SFMBT1: variants seen among roughly 807,000 people sequenced by gnomAD.
SFMBT1 encodes the protein Scm like with four mbt domains 1.
Under a neutral mutation model 108.7 loss-of-function variants are expected in SFMBT1, and 32 were observed. That is an observed-to-expected ratio of 0.29 (90% CI 0.22 to 0.40). The LOEUF (loss-of-function observed/expected upper bound fraction) is 0.40. Ranked by LOEUF, SFMBT1 falls within the 10% of genes least tolerant of loss-of-function variation. SFMBT1 has a pLI of 1.00. For synonymous variants in SFMBT1, 348 were observed against 369.5 expected (o/e 0.94, Z 0.67); for missense variants, 816 against 1,059.6 (o/e 0.77, Z 3.19).
intron 1 of SFMBT1, among the ~76,000 whole-genome samples, chr3:52,989,694 G>A (rs1394574912): frequency 6.6e-6 from 1 of 151,596 alleles, no homozygotes; most frequent in African/African-American, 2.4e-5. Flanking sequence ...AGCTACTTGG[G>A]AGGCTGGGAG....
chr3:53,035,277 G>A (rs1699833294), intron 1 of SFMBT1, among the ~76,000 whole-genome samples: 1 of 129,034 alleles, frequency 7.7e-6, no homozygotes, highest in Non-Finnish European at 1.6e-5. Context: ...CAAGGATTCC[G>A]CATGCCTTCC....
intron 12 of SFMBT1, 55 bp downstream of exon 12, chr3:52,920,482 G>T: frequency 7.7e-7 from 1 of 1,298,306 alleles, no homozygotes; most frequent in Non-Finnish European, 1.1e-6. Flanking sequence ...ATTGGCAGCA[G>T]CCACACAGAA....
chr3:53,033,506 C>T lies in SFMBT1; in HGVS notation c.-131+12310G>A, dbSNP rs367812238. On this transcript the variant is annotated intron_variant, in intron 1 of 20. Transcript: ENST00000394752. ...CTTTTTTTGCAGCCATTTTTACCCC[C>T]CTCAACTACAAGCTTTTATCAAAAT... Among the ~76,000 whole-genome samples, 12 of 152,102 alleles carry T rather than the reference C, an allele frequency of 7.9e-5. No homozygotes were observed. The South Asian group carries it at 1.7e-3, about 21-fold the overall frequency.
At chr3:52,913,786 A>G (rs1220965956) in intron 14 of SFMBT1, among the ~76,000 whole-genome samples, 169 bp from the exon 15 acceptor site, 3 of 152,188 alleles carry the variant, frequency 2.0e-5, no homozygotes, top group African/African-American at 7.2e-5. Context: ...CTCTTAAGTA[A>G]CTTACAGAGC....
In SFMBT1 at chr3:52,904,681, CT is replaced by C. The variant is rs1212755083; in HGVS notation, c.*454del. ...CAATGACAATGAAGCACTGATATGC[CT>C]TAGGAACAGTCCCAAATCAGTGCTG... On this transcript the variant is annotated 3_prime_UTR_variant, in exon 21 of 21. Coordinates refer to ENST00000394752, the MANE Select transcript of SFMBT1 (RefSeq NM_016329.4). The C allele has an allele frequency of 6.5e-6, 1 of 154,692 alleles. No homozygotes were observed. The highest frequency in any genetic ancestry group is 1.9e-4 in the East Asian group (1 of 5,240). 9.6% of individuals were successfully genotyped at this position (154,692 alleles called of 1,614,324 possible). A position where few individuals can be genotyped will look rare whatever the true frequency, so the allele number is the denominator to read the frequency against.
chr3:52,966,351 C>T (rs1259619114), intron 2 of SFMBT1, among the ~76,000 whole-genome samples: 2 of 147,286 alleles, frequency 1.4e-5, no homozygotes, highest in Admixed American at 6.9e-5. Context: ...CTAAAGCCGG[C>T]GCGGTGGCTC....
intron 12 of SFMBT1, 147 bp from the exon 13 acceptor site, chr3:52,918,673 A>C (rs1301329379): frequency 2.5e-6 from 1 of 397,806 alleles, no homozygotes; most frequent in African/African-American, 2.1e-5. Context: ...ATATATATAT[A>C]CACATATATA....
rs190804339 is a variant in SFMBT1 at position 52,999,814 on chromosome 3, C to T, written c.-130-30556G>A. Among the ~76,000 whole-genome samples, 3 of 150,308 alleles carry T rather than the reference C, an allele frequency of 2.0e-5. 1 individual carries two copies. The East Asian group carries it at 5.9e-4, about 29-fold the overall frequency. On this transcript the variant is annotated intron_variant, in intron 1 of 20. Transcript: ENST00000394752. ...TGATGGGCCCCCCAAGCTCTACAGA[C>T]CAAGCAAGGAGACCCCATGACCCAT...
intron 1 of SFMBT1, among the ~76,000 whole-genome samples, chr3:52,986,493 G>A (rs150684440): frequency 7.2e-5 from 11 of 151,904 alleles, no homozygotes; most frequent in Non-Finnish European, 1.0e-4. Context: ...TTGGTCGGGC[G>A]CCATGGCTCA....
intron 5 of SFMBT1, among the ~76,000 whole-genome samples, chr3:52,932,589 T>A (rs1175899101): frequency 6.6e-6 from 1 of 152,200 alleles, no homozygotes; most frequent in African/African-American, 2.4e-5. Flanking sequence ...TAAGAATTTT[T>A]AAAATATCAT....
chr3:52,972,068 G>C (rs1011360069), intron 1 of SFMBT1, among the ~76,000 whole-genome samples: 5 of 152,214 alleles, frequency 3.3e-5, no homozygotes, highest in African/African-American at 1.2e-4. Flanking sequence ...ATAAAGTCTT[G>C]ACACTTCAGC....
chr3:52,951,215 C>CTTT lies in SFMBT1; in HGVS notation c.123+3099_123+3101dup, dbSNP rs139907776. Among the ~76,000 whole-genome samples, 10 of 135,800 alleles carry CTTT rather than the reference C, an allele frequency of 7.4e-5. 1 individual carries two copies. Among genetic ancestry groups the CTTT allele is most frequent in the Middle Eastern group, 3.9e-3 (1 of 254 alleles). The allele number at this position is 135,800 out of a possible 152,430, so 89.1% of individuals were successfully genotyped here. A position where few individuals can be genotyped will look rare whatever the true frequency, so the allele number is the denominator to read the frequency against. ...AAACACACATTCCTTCTCTAACACT[C>CTTT]TTTTTTCCTTCCTCAGAAACCATGC... On this transcript the variant is annotated intron_variant, in intron 3 of 20. Coordinates refer to ENST00000394752, the MANE Select transcript of SFMBT1 (RefSeq NM_016329.4).
chr3:52,930,639 T>C (rs1239685063), intron 7 of SFMBT1, among the ~76,000 whole-genome samples: 1 of 152,192 alleles, frequency 6.6e-6, no homozygotes, highest in East Asian at 1.9e-4. Context: ...GCTTCTACTC[T>C]CTACATTCAA....
intron 1 of SFMBT1, among the ~76,000 whole-genome samples, chr3:52,974,833 T>TTAAA (rs1704462936): frequency 1.1e-5 from 1 of 90,712 alleles, no homozygotes; most frequent in African/African-American, 4.1e-5. Context: ...CTATAAAAAG[T>TTAAA]AAAAAAAAAA....
At chr3:52,993,269 A>C (rs1227841504) in intron 1 of SFMBT1, among the ~76,000 whole-genome samples, 1 of 150,054 alleles carries the variant, frequency 6.7e-6, no homozygotes, top group African/African-American at 2.4e-5. Context: ...GTTTAGTTAC[A>C]TGTTTTCTTG....
At chr3:52,970,430 T>C (rs1324449048) in intron 1 of SFMBT1, among the ~76,000 whole-genome samples, 1 of 152,226 alleles carries the variant, frequency 6.6e-6, no homozygotes, top group Non-Finnish European at 1.5e-5. Flanking sequence ...TTGAGGTTCA[T>C]CCACGTTGCA....
chr3:52,934,876 C>T lies in SFMBT1; in HGVS notation c.390G>A (p.Trp130Ter). 6.2e-7 allele frequency: 1 copy of T among 1,613,304 alleles called. No homozygotes were observed. The highest frequency in any genetic ancestry group is 8.5e-7 in the Non-Finnish European group (1 of 1,179,638). ...TCAGGGTCTGCCGCAGAAACTCATC[C>T]CAGTCAGATACTTTATCTCTGATGC... ...PEGIRDKVSD[W>*]DEFLRQTLIG... Residue 130 changes from tryptophan (W) to a stop codon, truncating the protein, a stop_gained, in exon 5 of 21, where the codon TGG becomes TGA. Transcript: ENST00000394752. LOFTEE classifies it high-confidence loss of function.
At chr3:52,934,409 A>C (rs1026125672) in intron 5 of SFMBT1, among the ~76,000 whole-genome samples, 47 of 149,114 alleles carry the variant, frequency 3.2e-4, no homozygotes, top group Non-Finnish European at 1.9e-4. Context: ...CAGAAGTGCA[A>C]TAGATCCAAT....
chr3:52,986,339 G>C (rs1249586412), intron 1 of SFMBT1, among the ~76,000 whole-genome samples: 1 of 151,972 alleles, frequency 6.6e-6, no homozygotes. Context: ...TTTGTTTTAA[G>C]AATACTTTTC....
Sources: gnomAD v4.1 joint callset for allele counts (sites outside exome capture counted in the v4.1 genomes callset) on GRCh38, gnomAD v4.1.1 for gene constraint, MANE v1.5 for transcripts, NCBI Gene and HGNC (gene_info 2026-07-23, HGNC 2026-07-21) for gene names.